The following RTTN variants were observed in gnomAD, a reference collection of about 807,000 sequenced individuals.
The protein encoded by RTTN is rotatin.
RTTN carries 182 observed loss-of-function variants against 269.2 expected under a neutral mutation model. The ratio of observed to expected loss-of-function variants is 0.68; its 90% CI spans 0.60 to 0.76. RTTN has a LOEUF of 0.76. Among genes scored for constraint, RTTN ranks in the 30% least tolerant of loss-of-function variants. RTTN has a pLI of 0.00. For synonymous variants in RTTN, 1,006 were observed against 963.5 expected, an observed-to-expected ratio of 1.04 and a Z score of -0.82; for missense variants, 2,545 against 2,608.6, an observed-to-expected ratio of 0.98 and a Z score of 0.53.
At chr18:70,060,080 T>C (rs1159850994) in intron 35 of RTTN, 38 bp from the exon 36 acceptor site, 1 of 1,508,102 alleles carries the variant, frequency 6.6e-7, no homozygotes, top group East Asian at 2.3e-5. Flanking sequence ...ATTATTTACC[T>C]TACAGCTATG....
chr18:70,164,459 C>T (rs552389357), intron 14 of RTTN, among the ~76,000 whole-genome samples: 2 of 152,116 alleles, frequency 1.3e-5, no homozygotes, highest in South Asian at 2.1e-4. Context: ...AGTGATCCTC[C>T]TGCTTTGGCC....
In RTTN at chr18:70,015,928, C is replaced by T. The variant is rs116051797; in HGVS notation, c.6421+1479G>A. Among the ~76,000 whole-genome samples, 768 of 152,294 alleles carry T rather than the reference C, an allele frequency of 5.0e-3. 8 individuals carry two copies. The highest frequency in any genetic ancestry group is 0.017 in the African/African-American group (721 of 41,556). On this transcript the variant is annotated intron_variant, in intron 46 of 48. Coordinates refer to ENST00000640769, the MANE Select transcript of RTTN (RefSeq NM_173630.4). The stretch of plus-strand genomic sequence containing the variant: ...AGAATGGTCACAAACACTTCACAGG[C>T]TCTCTCATTGCCCTGAGGAGGGATT...
chr18:70,017,778 CA>C, intron 45 of RTTN, 104 bp from the exon 46 acceptor site: 1 of 823,776 alleles, frequency 1.2e-6, no homozygotes, highest in Non-Finnish European at 1.9e-6. Context: ...TCTCCCTCTA[CA>C]TTAATTTCTC....
intron 28 of RTTN, among the ~76,000 whole-genome samples, chr18:70,100,172 G>T (rs1280292282): frequency 2.0e-5 from 3 of 152,252 alleles, no homozygotes; most frequent in Non-Finnish European, 2.9e-5. Context: ...ACCTTGGCCA[G>T]TATGGCCATT....
At chr18:70,154,703 T>C (rs1044577866) in intron 14 of RTTN, among the ~76,000 whole-genome samples, 1 of 152,138 alleles carries the variant, frequency 6.6e-6, no homozygotes, top group Non-Finnish European at 1.5e-5. Flanking sequence ...ACAGTCGACA[T>C]GTCATTTCAA....
chr18:70,145,087 G>A (rs4891816), intron 18 of RTTN, among the ~76,000 whole-genome samples: 126,294 of 152,096 alleles, frequency 0.83, 55,570 homozygotes, highest in East Asian at 1. Context: ...GCGGCATTCA[G>A]TTCTCATAGG....
At chr18:70,050,142 C>T (rs560017676) in intron 39 of RTTN, among the ~76,000 whole-genome samples, 1 of 152,174 alleles carries the variant, frequency 6.6e-6, no homozygotes, top group Admixed American at 6.5e-5. Context: ...AGGCAACCTA[C>T]ACAATGGGAG....
At chr18:70,024,290 T>C (rs2145549592) in intron 44 of RTTN, among the ~76,000 whole-genome samples, 1 of 152,278 alleles carries the variant, frequency 6.6e-6, no homozygotes, top group South Asian at 2.1e-4. Flanking sequence ...GTCTATCAAG[T>C]GCATGAGCGA....
chr18:70,114,745 T>A, intron 26 of RTTN, 146 bp from the exon 27 acceptor site: 1 of 467,872 alleles, frequency 2.1e-6, no homozygotes, highest in Non-Finnish European at 3.7e-6. Context: ...GTAGAGATGT[T>A]CTAAATTCAA....
chr18:70,167,170 A>C, intron 12 of RTTN, 139 bp from the exon 13 acceptor site: 19 of 605,390 alleles, frequency 3.1e-5, no homozygotes, highest in East Asian at 9.4e-5. Flanking sequence ...CCACTTTCTC[A>C]TCAAGCAACC....
At chr18:70,201,467 G>T (rs1389306801) in intron 4 of RTTN, among the ~76,000 whole-genome samples, 7 of 151,528 alleles carry the variant, frequency 4.6e-5, no homozygotes, top group African/African-American at 1.7e-4. Context: ...AATTAGCTGG[G>T]CGTAGTGGCG....
chr18:70,089,082 C>G (rs531573859), intron 30 of RTTN, among the ~76,000 whole-genome samples: 3 of 151,964 alleles, frequency 2.0e-5, no homozygotes, highest in African/African-American at 7.3e-5. Flanking sequence ...ATAACCTTTT[C>G]TCTTTTATAT....
chr18:70,050,927 A>G (rs984543659), intron 39 of RTTN, among the ~76,000 whole-genome samples: 1 of 152,282 alleles, frequency 6.6e-6, no homozygotes. Context: ...GGGGATGAGA[A>G]GCAAGGGGAG....
chr18:70,188,163 C>T lies in RTTN; in HGVS notation c.1250G>A (p.Gly417Asp), dbSNP rs1338385967. The T allele has an allele frequency of 6.2e-7, 1 of 1,612,338 alleles. No individual in the cohort carries two copies. The highest frequency in any genetic ancestry group is 2.2e-5 in the East Asian group (1 of 44,776). ...ELLTEDMTLI[G>D]EAISTDIWDD... ...CCAGATATCTGTTGAAATTGCTTCA[C>T]CAATAAGTGTCATATCCTCTGTAAG... Residue 417 changes from glycine to aspartate, a missense_variant, in exon 10 of 49, where the codon GGT becomes GAT. Gly to Asp is a moderately conservative substitution (Grantham distance 94). Coordinates refer to ENST00000640769, the MANE Select transcript of RTTN (RefSeq NM_173630.4).
At position 70,004,143 on chromosome 18, in the gene RTTN, C is replaced by T. The variant is rs1409609893; in HGVS notation, c.*8G>A. 1 of 1,606,550 alleles carries T rather than the reference C, an allele frequency of 6.2e-7. No individual in the cohort carries two copies. Among genetic ancestry groups the T allele is most frequent in the Admixed American group, 1.7e-5 (1 of 59,998 alleles). On this transcript the variant is annotated 3_prime_UTR_variant, in exon 49 of 49. Coordinates refer to ENST00000640769, the MANE Select transcript of RTTN (RefSeq NM_173630.4). Reference sequence around the variant, plus strand: ...CTGTCAGCTTCAAGGTGTAGCATCCCATGGCACTCAGGAAGAATTAAGGAG... The same window carrying T: ...CTGTCAGCTTCAAGGTGTAGCATCCTATGGCACTCAGGAAGAATTAAGGAG...
At chr18:70,111,649 C>G (rs556212875) in intron 27 of RTTN, among the ~76,000 whole-genome samples, 1 of 152,244 alleles carries the variant, frequency 6.6e-6, no homozygotes, top group East Asian at 1.9e-4. Context: ...AAATATGGGA[C>G]TATGTGAAAA....
chr18:70,203,962 A>T, intron 3 of RTTN, 124 bp downstream of exon 3: 1 of 731,368 alleles, frequency 1.4e-6, no homozygotes, highest in Non-Finnish European at 2.2e-6. Flanking sequence ...CATGTAAGTT[A>T]ACACAAGAAA....
rs144194616 is a variant in RTTN at position 70,040,592 on chromosome 18, A to C, written c.5541+7379T>G. 2.0e-5 allele frequency among the ~76,000 whole-genome samples: 3 copies of C among 152,312 alleles called. No homozygotes were observed. In the East Asian group the frequency reaches 5.8e-4, roughly 29 times the overall value. ...CCAGAAAGAAAATCACCAAAGAAACACTGGATTTAATCTGCACTAAAGACC... is the reference window on the plus strand; with the variant it reads ...CCAGAAAGAAAATCACCAAAGAAACCCTGGATTTAATCTGCACTAAAGACC... On this transcript the variant is annotated intron_variant, in intron 40 of 48. Transcript: ENST00000640769.
chr18:70,080,118 C>CATAAT (rs10675388), intron 32 of RTTN, among the ~76,000 whole-genome samples: 1 of 151,614 alleles, frequency 6.6e-6, no homozygotes, highest in South Asian at 2.1e-4. Context: ...TCATAACAAA[C>CATAAT]AAAAGATAAA....
Sources: allele counts gnomAD v4.1 joint callset (sites outside exome capture counted in the v4.1 genomes callset), GRCh38; gene constraint gnomAD v4.1.1; transcripts MANE v1.5; gene names NCBI Gene and HGNC (gene_info 2026-07-23, HGNC 2026-07-21).